Variants in BPTF observed in about 807,000 individuals in gnomAD.
BPTF encodes the protein bromodomain PHD finger transcription factor, also known as nucleosome-remodeling factor subunit BPTF.
BPTF carries 18 observed loss-of-function variants against 292.5 expected under a neutral mutation model. That is an observed-to-expected ratio of 0.06 (90% CI 0.04 to 0.09). BPTF has a LOEUF of 0.09. BPTF is among the 10% of genes least tolerant of loss of function. BPTF has a pLI of 1.00. For missense variants in BPTF, 2,726 were observed against 3,498.7 expected (o/e 0.78, Z 5.57); for synonymous variants, 1,225 against 1,251.9 (o/e 0.98, Z 0.45).
chr17:67,960,588 T>C (rs1318295086), intron 24 of BPTF, among the ~76,000 whole-genome samples: 1 of 152,202 alleles, frequency 6.6e-6, no homozygotes, highest in East Asian at 1.9e-4. Context: ...TTACTATCAT[T>C]TTACAAAATA....
intron 1 of BPTF, among the ~76,000 whole-genome samples, chr17:67,830,133 G>C (rs1333621820): frequency 6.6e-6 from 1 of 152,270 alleles, no homozygotes; most frequent in African/African-American, 2.4e-5. Flanking sequence ...TGTATAGGAA[G>C]TGTTTTCAAT....
Position 67,913,175 on chromosome 17 carries a change from G to C in BPTF, c.5291G>C (p.Gly1764Ala). ...WPYPSPRPTF[G>A]ITWRYRLQTV... Reference sequence around the variant, plus strand: ...TATCCTTCTCCTAGACCGACCTTTGGCATCACTTGGAGGTATGTACTTTAA... The same window carrying C: ...TATCCTTCTCCTAGACCGACCTTTGCCATCACTTGGAGGTATGTACTTTAA... Residue 1764 changes from glycine (G) to alanine (A), a missense_variant, in exon 11 of 28, where the codon GGC (glycine) becomes GCC (alanine). This residue lies in a region of BPTF where 36 missense variants were observed against 34.7 expected (regional missense o/e 1.04). Coordinates refer to ENST00000306378, the MANE Select transcript of BPTF (RefSeq NM_182641.4). 1 of 1,600,570 alleles carries C rather than the reference G, an allele frequency of 6.2e-7. No individual in the cohort carries two copies. Among genetic ancestry groups the C allele is most frequent in the South Asian group, 1.1e-5 (1 of 88,596 alleles).
At chr17:67,964,736 C>T (rs1489823921) in intron 25 of BPTF, among the ~76,000 whole-genome samples, 14 of 152,222 alleles carry the variant, frequency 9.2e-5, no homozygotes, top group South Asian at 2.1e-4. Flanking sequence ...CATGGTGGCT[C>T]ATGCCTGTAA....
intron 1 of BPTF, among the ~76,000 whole-genome samples, chr17:67,844,167 C>T (rs1168954257): frequency 6.7e-6 from 1 of 150,068 alleles, no homozygotes; most frequent in South Asian, 2.1e-4. Flanking sequence ...GCAACCTCCG[C>T]CTCCCAGGTT....
At position 67,944,191 on chromosome 17, in the gene BPTF, T is replaced by A; in HGVS notation, c.6519T>A (p.Gly2173=). The change falls in exon 20 of 28, where the codon GGT becomes GGA. Residue 2173 remains glycine (G), a synonymous_variant. Coordinates refer to ENST00000306378, the MANE Select transcript of BPTF (RefSeq NM_182641.4). ...TGACAGTAGTAATTCAAGGACAAGG[T>A]CAAACTACTGGACAGTTGCAGTTGA... ...QGLTVVIQGQ[G]QTTGQLQLIP... The A allele has an allele frequency of 1.2e-6, 2 of 1,614,172 alleles. No homozygotes were observed. Among genetic ancestry groups the A allele is most frequent in the Non-Finnish European group, 1.7e-6 (2 of 1,180,020 alleles).
intron 26 of BPTF, among the ~76,000 whole-genome samples, chr17:67,971,763 C>T (rs367897161): frequency 2.0e-5 from 3 of 146,602 alleles, no homozygotes; most frequent in East Asian, 2.1e-4. Context: ...AAGATCGTTG[C>T]GTTGCAGTGA....
At chr17:67,947,438 G>GTTAATTTCT (rs1356001721) in intron 21 of BPTF, among the ~76,000 whole-genome samples, 1 of 152,152 alleles carries the variant, frequency 6.6e-6, no homozygotes, top group African/African-American at 2.4e-5. Context: ...AAACAAGGTG[G>GTTAATTTCT]TTAATTTCTT....
chr17:67,909,770 AGTCAGCTGT>A lies in BPTF; in HGVS notation c.2992+11_2992+19del, dbSNP rs1167764219. The A allele has an allele frequency of 6.5e-7, 1 of 1,541,212 alleles. No homozygotes were observed. Among genetic ancestry groups the A allele is most frequent in the Non-Finnish European group, 8.7e-7 (1 of 1,147,468 alleles). On this transcript the variant is annotated intron_variant, in intron 10 of 27. Coordinates refer to ENST00000306378, the MANE Select transcript of BPTF (RefSeq NM_182641.4). ...TGAGAAGAAGGACCAAGGTAAGGAG[AGTCAGCTGT>A]GGAGGGCAGCCTGGGGGTGATAAGA...
At chr17:67,827,118 T>C (rs1375846820) in intron 1 of BPTF, among the ~76,000 whole-genome samples, 2 of 152,230 alleles carry the variant, frequency 1.3e-5, no homozygotes. Flanking sequence ...AACGCGCGTC[T>C]TAACTCATTT....
At chr17:67,949,182 A>G (rs1258708948) in intron 23 of BPTF, among the ~76,000 whole-genome samples, 1 of 152,180 alleles carries the variant, frequency 6.6e-6, no homozygotes, top group Non-Finnish European at 1.5e-5. Flanking sequence ...CCTAGGCAAC[A>G]TGGCAAAACC....
chr17:67,962,636 G>A (rs2067628925), intron 24 of BPTF, among the ~76,000 whole-genome samples: 1 of 152,148 alleles, frequency 6.6e-6, no homozygotes, highest in African/African-American at 2.4e-5. Context: ...TGCCCACATT[G>A]TCACAAACAT....
chr17:67,968,294 A>C (rs920831207), intron 26 of BPTF, among the ~76,000 whole-genome samples: 2 of 151,442 alleles, frequency 1.3e-5, no homozygotes, highest in Non-Finnish European at 2.9e-5. Flanking sequence ...AATGAAAACT[A>C]TCTCTGAAAA....
chr17:67,959,462 G>A, intron 23 of BPTF, 79 bp from the exon 24 acceptor site: 1 of 1,143,594 alleles, frequency 8.7e-7, no homozygotes, highest in Non-Finnish European at 1.2e-6. Flanking sequence ...ACAAGAGTGG[G>A]TAGTGTACCA....
At chr17:67,945,285 G>A (rs2065720793) in intron 20 of BPTF, 124 bp from the exon 21 acceptor site, 12 of 1,485,400 alleles carry the variant, frequency 8.1e-6, no homozygotes, top group South Asian at 1.4e-5. Flanking sequence ...GTCCCAAGGT[G>A]CACAGGTGTG....
chr17:67,913,321 G>T, intron 11 of BPTF, 134 bp downstream of exon 11: 1 of 1,375,768 alleles, frequency 7.3e-7, no homozygotes, highest in Non-Finnish European at 9.6e-7. Flanking sequence ...GATAGTAATG[G>T]AAACAGGATA....
At chr17:67,934,870 CA>C (rs569120237) in intron 18 of BPTF, among the ~76,000 whole-genome samples, 3 of 91,050 alleles carry the variant, frequency 3.3e-5, no homozygotes, top group African/African-American at 5.7e-5. Flanking sequence ...AACTCTGTCT[CA>C]AAAAAAAAAA....
chr17:67,912,250 A>G lies in BPTF; in HGVS notation c.4366A>G (p.Thr1456Ala), dbSNP rs1598607244. The change falls in exon 11 of 28, where the codon ACT becomes GCT. Residue 1456 changes from threonine to alanine, a missense_variant. By Grantham distance (58) the Thr-to-Ala change is moderately conservative. Transcript: ENST00000306378. ...IIPENDIKSL[T>A]VKESAIRPFI... ...CCCTGAGAATGATATTAAATCATTG[A>G]CTGTTAAAGAATCTGCTATAAGGCC... The G allele has an allele frequency of 1.2e-6, 2 of 1,611,320 alleles. No individual in the cohort carries two copies. The highest frequency in any genetic ancestry group is 4.5e-5 in the East Asian group (2 of 44,864).
intron 7 of BPTF, among the ~76,000 whole-genome samples, chr17:67,894,398 G>A (rs1206955276): frequency 8.5e-6 from 1 of 117,588 alleles, no homozygotes; most frequent in Non-Finnish European, 1.9e-5. Flanking sequence ...GTGTAGTCTC[G>A]GCTTGCTGTA....
chr17:67,945,392 A>G lies in BPTF; in HGVS notation c.6701-17A>G. On this transcript the variant is annotated splice_polypyrimidine_tract_variant and intron_variant, in intron 20 of 27. Coordinates refer to ENST00000306378, the MANE Select transcript of BPTF (RefSeq NM_182641.4). ...TGTTCCAGAGTAATAGAAATGGTTCATCTTTCCTTTTTACAGGTACAGGTG... is the reference window on the plus strand; with the variant it reads ...TGTTCCAGAGTAATAGAAATGGTTCGTCTTTCCTTTTTACAGGTACAGGTG... 6.3e-7 allele frequency: 1 copy of G among 1,595,570 alleles called. No individual in the cohort carries two copies. Among genetic ancestry groups the G allele is most frequent in the Non-Finnish European group, 8.5e-7 (1 of 1,170,700 alleles).
Sources: gnomAD v4.1 joint callset for allele counts (sites outside exome capture counted in the v4.1 genomes callset) on GRCh38, gnomAD v4.1.1 for gene constraint, gnomAD v4.1.1 regional missense constraint, MANE v1.5 for transcripts, NCBI Gene and HGNC (gene_info 2026-07-23, HGNC 2026-07-21) for gene names.